Variants in ASB3 observed in about 807,000 individuals in gnomAD.
ASB3 encodes ankyrin repeat and SOCS box protein 3.
A neutral mutation model predicts 54.5 loss-of-function variants in ASB3; 41 were observed. That is an observed-to-expected ratio of 0.75 (90% CI 0.59 to 0.98). The LOEUF (loss-of-function observed/expected upper bound fraction) is 0.98, where lower values mean the gene tolerates loss of function less well. Among genes scored for constraint, ASB3 ranks in the 50% least tolerant of loss-of-function variants. The pLI is 0.00. For synonymous variants in ASB3, 266 were observed against 221.2 expected (o/e 1.20, Z -1.80); for missense variants, 733 against 620.0 (o/e 1.18, Z -1.94).
intron 3 of ASB3, among the ~76,000 whole-genome samples, chr2:53,750,056 G>T (rs906874533): frequency 2.6e-5 from 4 of 151,988 alleles, no homozygotes; most frequent in African/African-American, 9.7e-5. Context: ...TATAAGTGAG[G>T]ATACTGAAAC....
chr2:53,736,272 A>G (rs1671622205), intron 3 of ASB3, among the ~76,000 whole-genome samples: 1 of 152,188 alleles, frequency 6.6e-6, no homozygotes, highest in Non-Finnish European at 1.5e-5. Flanking sequence ...GGGAAATGCA[A>G]ATGAAAACCT....
intron 1 of ASB3, chr2:53,767,746 C>G: frequency 1.1e-6 from 1 of 945,470 alleles, no homozygotes; most frequent in Non-Finnish European, 1.6e-6. Context: ...TGGATCTAAA[C>G]TCCCAGTGCG....
At chr2:53,684,746 C>G (rs1169007804) in intron 9 of ASB3, among the ~76,000 whole-genome samples, 3 of 152,094 alleles carry the variant, frequency 2.0e-5, no homozygotes, top group Non-Finnish European at 4.4e-5. Flanking sequence ...GGTGCACTCT[C>G]AAAAATCTGC....
chr2:53,736,872 T>G (rs192369517), intron 3 of ASB3, among the ~76,000 whole-genome samples: 42 of 151,680 alleles, frequency 2.8e-4, no homozygotes, highest in African/African-American at 9.4e-4. Flanking sequence ...ATGCCTGTAG[T>G]CCCAAGTACA....
At chr2:53,743,997 C>T (rs961341880) in intron 3 of ASB3, among the ~76,000 whole-genome samples, 2 of 150,760 alleles carry the variant, frequency 1.3e-5, no homozygotes, top group South Asian at 2.1e-4. Context: ...AGGCAGAGAT[C>T]GCACCACTGC....
At chr2:53,775,511 G>T (rs981935133) in intron 1 of ASB3, among the ~76,000 whole-genome samples, 2 of 152,156 alleles carry the variant, frequency 1.3e-5, no homozygotes. Flanking sequence ...GTATCGCTCT[G>T]TTGCCTAGGC....
At chr2:53,718,997 T>C (rs1394205792) in intron 5 of ASB3, among the ~76,000 whole-genome samples, 1 of 152,210 alleles carries the variant, frequency 6.6e-6, no homozygotes, top group African/African-American at 2.4e-5. Context: ...CTCGGCTTAC[T>C]GCAACCTCTG....
intron 3 of ASB3, among the ~76,000 whole-genome samples, chr2:53,732,026 C>T (rs539407943): frequency 2.6e-5 from 4 of 152,068 alleles, no homozygotes; most frequent in African/African-American, 9.6e-5. Context: ...GGCGCAAACT[C>T]GGCTTACTGC....
chr2:53,769,266 T>C (rs1202895990), intron 1 of ASB3, among the ~76,000 whole-genome samples: 1 of 152,220 alleles, frequency 6.6e-6, no homozygotes, highest in Non-Finnish European at 1.5e-5. Context: ...ATCCCAACAC[T>C]TCGGAAGTTT....
intron 1 of ASB3, chr2:53,767,994 C>T (rs200108276): frequency 6.2e-7 from 1 of 1,611,448 alleles, no homozygotes; most frequent in Non-Finnish European, 8.5e-7. Flanking sequence ...GGCAGGGCAG[C>T]ACGGACCACC....
chr2:53,780,655 G>A (rs1266302375), intron 1 of ASB3, among the ~76,000 whole-genome samples: 1 of 152,116 alleles, frequency 6.6e-6, no homozygotes, highest in Non-Finnish European at 1.5e-5. Context: ...GCACATGTCT[G>A]CAGTCCTAGC....
At chr2:53,718,663 T>C (rs1670528446) in intron 5 of ASB3, among the ~76,000 whole-genome samples, 1 of 151,532 alleles carries the variant, frequency 6.6e-6, no homozygotes, top group African/African-American at 2.4e-5. Context: ...ACCTCACATA[T>C]CAATATTAAC....
intron 7 of ASB3, among the ~76,000 whole-genome samples, chr2:53,703,673 T>C (rs1277109968): frequency 6.6e-6 from 1 of 152,150 alleles, no homozygotes; most frequent in East Asian, 1.9e-4. Flanking sequence ...ATTGTACTAT[T>C]TATAAAAGTA....
intron 2 of ASB3, among the ~76,000 whole-genome samples, chr2:53,759,275 A>G (rs1346655182): frequency 6.6e-6 from 1 of 152,204 alleles, no homozygotes; most frequent in African/African-American, 2.4e-5. Flanking sequence ...AAGGAAAACT[A>G]GGAGGAAGAC....
chr2:53,733,566 C>T (rs538367990), intron 3 of ASB3, among the ~76,000 whole-genome samples: 3 of 152,058 alleles, frequency 2.0e-5, no homozygotes, highest in Non-Finnish European at 2.9e-5. Flanking sequence ...GTCAGCCTCC[C>T]GAGTAGCTGG....
chr2:53,728,126 T>A (rs1260125128), intron 5 of ASB3, among the ~76,000 whole-genome samples: 1 of 152,010 alleles, frequency 6.6e-6, no homozygotes, highest in Non-Finnish European at 1.5e-5. Context: ...TTGGGAGAGA[T>A]TTAAAAGCCC....
At chr2:53,769,430 C>CT (rs879656005) in intron 1 of ASB3, among the ~76,000 whole-genome samples, 2 of 152,220 alleles carry the variant, frequency 1.3e-5, no homozygotes, top group Admixed American at 6.5e-5. Flanking sequence ...TAACAACATA[C>CT]TTTACTAGTC....
At chr2:53,734,549 A>C (rs1025983652) in intron 3 of ASB3, among the ~76,000 whole-genome samples, 3 of 152,228 alleles carry the variant, frequency 2.0e-5, no homozygotes, top group African/African-American at 7.2e-5. Flanking sequence ...GAGATACAGA[A>C]GTGAACAAGA....
At chr2:53,784,663 C>A (rs1674835689) in intron 1 of ASB3, among the ~76,000 whole-genome samples, 1 of 152,190 alleles carries the variant, frequency 6.6e-6, no homozygotes, top group African/African-American at 2.4e-5. Flanking sequence ...CTCCTCCTTC[C>A]TGGCATGGCA....
Sources: allele counts gnomAD v4.1 joint callset (sites outside exome capture counted in the v4.1 genomes callset), GRCh38; gene constraint gnomAD v4.1.1; transcripts MANE v1.5; gene names NCBI Gene and HGNC (gene_info 2026-07-23, HGNC 2026-07-21).